PCDHGB5: variants seen among roughly 807,000 people sequenced by gnomAD.
PCDHGB5 encodes protocadherin gamma subfamily B, 5.
Under a neutral mutation model 62.9 loss-of-function variants are expected in PCDHGB5, and 48 were observed. The ratio of observed to expected loss-of-function variants is 0.76; its 90% confidence interval spans 0.61 to 0.97. The LOEUF is 0.97. PCDHGB5 is among the 50% of genes least tolerant of loss of function. The probability of loss-of-function intolerance (pLI) is 0.00; values close to 1 mark genes in which losing one functional copy is unlikely to be tolerated. For synonymous variants in PCDHGB5, 474 were observed against 511.2 expected (o/e 0.93, Z 0.98); for missense variants, 1,118 against 1,198.6 (o/e 0.93, Z 0.99).
chr5:141,423,689 G>A (rs2096767103), intron 1 of PCDHGB5: 2 of 1,400,130 alleles, frequency 1.4e-6, no homozygotes, highest in Non-Finnish European at 9.4e-7. Context: ...CCTCCTAATT[G>A]TTGGTGTCTT....
In PCDHGB5 at chr5:141,398,829, C is replaced by A; in HGVS notation, c.702C>A (p.Asp234Glu). ...GTTELRIQVT[D>E]ANDNPPVFNR... ...CTGAGCTCCGGATCCAGGTAACCGA[C>A]GCCAATGATAATCCCCCGGTATTCA... Residue 234 changes from aspartate (D) to glutamate (E), a missense_variant, in exon 1 of 4, where the codon GAC becomes GAA. Coordinates refer to ENST00000617380, the MANE Select transcript of PCDHGB5 (RefSeq NM_018925.3). 2 of 1,613,994 alleles carry A rather than the reference C, an allele frequency of 1.2e-6. No homozygotes were observed. The highest frequency in any genetic ancestry group is 2.2e-5 in the East Asian group (1 of 44,876).
chr5:141,409,047 G>A, intron 1 of PCDHGB5: 1 of 1,613,982 alleles, frequency 6.2e-7, no homozygotes, highest in Non-Finnish European at 8.5e-7. Context: ...TACTACTTCC[G>A]AAGCACTGCC....
In PCDHGB5 at chr5:141,430,969, TAGGACGCA is replaced by T. The variant is rs775497521; in HGVS notation, c.2397+30446_2397+30453del. The T allele has an allele frequency of 7.3e-5, 118 of 1,613,012 alleles. 1 individual carries two copies. The Middle Eastern group carries it at 1.8e-3, about 25-fold the overall frequency. On this transcript the variant is annotated intron_variant, in intron 1 of 3. Transcript: ENST00000617380. ...GCGGAGTCCGCATCATCCCCAGAGG[TAGGACGCA>T]GCTTTTCGCCCTGAATCCGCGCAGC...
At chr5:141,409,960 C>T (rs1182396334) in intron 1 of PCDHGB5, 1 of 1,613,416 alleles carries the variant, frequency 6.2e-7, no homozygotes. Context: ...AGCCCGGCTA[C>T]CTAGTGACTA....
rs1246198657 is a variant in PCDHGB5 at position 141,505,401 on chromosome 5, A to T, written c.2465A>T (p.Asn822Ile). The change falls in exon 3 of 4, where the codon AAT (asparagine) becomes ATT (isoleucine). Residue 822 changes from asparagine (N) to isoleucine (I), a missense_variant. By Grantham distance (149) the Asn-to-Ile change is moderately radical (BLOSUM62 -3). Around this residue, in one of 2 missense-constraint regions of PCDHGB5, gnomAD observed 1,034 missense variants for 1,029.1 expected, o/e 1.00. Transcript: ENST00000617380. Reference protein sequence around the residue: ...AQRPGTSGSQNGDDTGTWPNN... With the variant: ...AQRPGTSGSQIGDDTGTWPNN... ...TCCTACTCTCTCCCCAGCTCCCAAA[A>T]TGGCGATGACACCGGCACCTGGCCC... is the stretch of plus-strand genomic sequence containing the variant. The T allele has an allele frequency of 6.2e-7, 1 of 1,614,058 alleles. No individual in the cohort carries two copies. Among genetic ancestry groups the T allele is most frequent in the African/African-American group, 1.3e-5 (1 of 74,922 alleles).
intron 1 of PCDHGB5, chr5:141,478,906 C>T: frequency 1.1e-6 from 1 of 906,534 alleles, no homozygotes; most frequent in Non-Finnish European, 1.6e-6. Context: ...GAATAAGCTG[C>T]TGGATACCTC....
intron 1 of PCDHGB5, among the ~76,000 whole-genome samples, chr5:141,482,104 A>T (rs11748215): frequency 0.23 from 34,477 of 150,324 alleles, 4,798 homozygotes; most frequent in African/African-American, 0.39. Context: ...AAAAAAAAAA[A>T]ATATCTAGAG....
At chr5:141,433,004 T>G (rs368646186) in intron 1 of PCDHGB5, 48 of 1,614,028 alleles carry the variant, frequency 3.0e-5, no homozygotes, top group Non-Finnish European at 3.4e-5. Context: ...GGTGCAGGCT[T>G]TCCTGCAGAC....
At chr5:141,501,329 ACACACC>A (rs1456568693) in intron 2 of PCDHGB5, among the ~76,000 whole-genome samples, 16 of 148,226 alleles carry the variant, frequency 1.1e-4, no homozygotes, top group Non-Finnish European at 2.2e-4. Context: ...ACACACACAC[ACACACC>A]CCAAACTCAA....
intron 3 of PCDHGB5, among the ~76,000 whole-genome samples, chr5:141,509,381 C>T (rs181928019): frequency 6.6e-6 from 1 of 152,256 alleles, no homozygotes; most frequent in East Asian, 1.9e-4. Flanking sequence ...TGTCTCCTAA[C>T]CACAGAGGAT....
chr5:141,479,109 A>G (rs925202951), intron 1 of PCDHGB5, among the ~76,000 whole-genome samples: 4 of 152,234 alleles, frequency 2.6e-5, no homozygotes, highest in Admixed American at 2.6e-4. Context: ...TATTTCAAGC[A>G]TTCTACTGGA....
At chr5:141,409,916 T>C (rs762510018) in intron 1 of PCDHGB5, 3 of 1,613,298 alleles carry the variant, frequency 1.9e-6, no homozygotes, top group Non-Finnish European at 2.5e-6. Flanking sequence ...TCCTGACGGC[T>C]CCGCGTTCTT....
Position 141,494,815 on chromosome 5 carries a change from G to C in PCDHGB5, c.2406G>C (p.Pro802=). 6.2e-7 allele frequency: 1 copy of C among 1,613,976 alleles called. No individual in the cohort carries two copies. The highest frequency in any genetic ancestry group is 8.5e-7 in the Non-Finnish European group (1 of 1,179,982). Residue 802 remains proline, a synonymous_variant, in exon 2 of 4, where the codon CCG becomes CCC. Transcript: ENST00000617380. Reference sequence around the variant, plus strand: ...CTCTGTTTTCTCCACAGCAAGCCCCGCCCAACACGGACTGGCGTTTCTCTC... The same window carrying C: ...CTCTGTTTTCTCCACAGCAAGCCCCCCCCAACACGGACTGGCGTTTCTCTC... ...ESTSHPELQA[P]PNTDWRFSQA...
chr5:141,486,654 T>C lies in PCDHGB5; in HGVS notation c.2398-8153T>C. ...TTGAATGCGCTTATCTCCTACTCAC[T>C]CCTGGAGCCCAGGAATCGAGATGTA... is the stretch of plus-strand genomic sequence containing the variant. On this transcript the variant is annotated intron_variant, in intron 1 of 3. Coordinates refer to ENST00000617380, the MANE Select transcript of PCDHGB5 (RefSeq NM_018925.3). The surrounding 1 kb of genome is among the most constrained non-coding windows in gnomAD (Gnocchi z 5.0). The C allele has an allele frequency of 2.5e-6, 4 of 1,613,922 alleles. No individual in the cohort carries two copies. Among genetic ancestry groups the C allele is most frequent in the Non-Finnish European group, 3.4e-6 (4 of 1,180,026 alleles).
intron 1 of PCDHGB5, among the ~76,000 whole-genome samples, chr5:141,449,549 A>G (rs1431239786): frequency 6.8e-6 from 1 of 147,830 alleles, no homozygotes; most frequent in East Asian, 2.0e-4. Context: ...AGATCGCACC[A>G]CTGCACTCCA....
chr5:141,443,309 C>T (rs2098379780), intron 1 of PCDHGB5, among the ~76,000 whole-genome samples: 1 of 131,436 alleles, frequency 7.6e-6, no homozygotes, highest in African/African-American at 3.4e-5. Flanking sequence ...GGCAAAAACC[C>T]ATCTCTACAA....
At chr5:141,413,124 AAC>A in intron 1 of PCDHGB5, 2 of 1,528,020 alleles carry the variant, frequency 1.3e-6, no homozygotes, top group Non-Finnish European at 1.8e-6. Flanking sequence ...AACCGGTTGA[AAC>A]ACACAACGTG....
At chr5:141,430,935 T>G (rs748546768) in intron 1 of PCDHGB5, 1 of 1,607,814 alleles carries the variant, frequency 6.2e-7, no homozygotes. Context: ...CCCCGGGAGC[T>G]CGCGGAGCGC....
chr5:141,422,328 TGCTCTTCTAAA>T (rs2096641385), intron 1 of PCDHGB5: 1 of 1,548,384 alleles, frequency 6.5e-7, no homozygotes, highest in Admixed American at 2.1e-5. Flanking sequence ...GTACAGTGAT[TGCTCTTCTAAA>T]TGTGCAAGAT....
Sources: gnomAD v4.1 joint callset for allele counts (sites outside exome capture counted in the v4.1 genomes callset) on GRCh38, gnomAD v4.1.1 for gene constraint, gnomAD v4.1.1 regional missense constraint, Gnocchi (gnomAD v3.1) non-coding constraint, MANE v1.5 for transcripts, NCBI Gene and HGNC (gene_info 2026-07-23, HGNC 2026-07-21) for gene names.